Variants in SDHA observed in about 807,000 individuals in gnomAD.
The protein encoded by SDHA is succinate dehydrogenase complex flavoprotein subunit A, also known as succinate dehydrogenase [ubiquinone] flavoprotein subunit, mitochondrial.
SDHA carries 48 observed loss-of-function variants against 78.4 expected under a neutral mutation model. The ratio of observed to expected loss-of-function variants is 0.61; its 90% CI spans 0.49 to 0.78. SDHA has a LOEUF of 0.78. SDHA is among the 30% of genes least tolerant of loss of function. The pLI is 0.00. For synonymous variants in SDHA, 326 were observed against 353.9 expected (o/e 0.92, Z 0.88); for missense variants, 680 against 892.7 (o/e 0.76, Z 3.04).
intron 5 of SDHA, among the ~76,000 whole-genome samples, chr5:227,306 G>A (rs1229456438): frequency 4.6e-5 from 7 of 152,206 alleles, no homozygotes; most frequent in East Asian, 1.9e-4. Context: ...CACCGCACCC[G>A]GCCATGGATT....
At chr5:254,050 A>AT (rs1187511805) in intron 13 of SDHA, among the ~76,000 whole-genome samples, 14 of 147,142 alleles carry the variant, frequency 9.5e-5, no homozygotes, top group African/African-American at 3.1e-4. Flanking sequence ...CAAAAAAAAA[A>AT]TTTTTTTTTA....
intron 5 of SDHA, 86 bp downstream of exon 5, chr5:226,133 A>C: frequency 6.9e-7 from 1 of 1,444,728 alleles, no homozygotes; most frequent in Admixed American, 1.8e-5. Flanking sequence ...GTGCCCAGTG[A>C]GTCAGCCAGA....
downstream of SDHA, among the ~76,000 whole-genome samples, chr5:257,733 C>A (rs548342701): frequency 3.3e-5 from 4 of 121,846 alleles, no homozygotes; most frequent in Non-Finnish European, 4.8e-5. Context: ...GTGAGCTCCG[C>A]GCCCTGCCAG....
At chr5:222,016 AT>A (rs1346946301) in intron 1 of SDHA, among the ~76,000 whole-genome samples, 1 of 152,106 alleles carries the variant, frequency 6.6e-6, no homozygotes, top group Non-Finnish European at 1.5e-5. Flanking sequence ...TACTGGTGCT[AT>A]TACTATGTTA....
intron 13 of SDHA, among the ~76,000 whole-genome samples, chr5:253,403 G>A (rs541697460): frequency 1.1e-4 from 16 of 152,174 alleles, no homozygotes; most frequent in Middle Eastern, 3.4e-3. Context: ...ATATGAATCC[G>A]TGTTTGCCAG....
Position 256,765 on chromosome 5 carries a change from T to C in SDHA, c.*345T>C. 3.0e-6 allele frequency: 1 copy of C among 335,234 alleles called. No individual in the cohort carries two copies. The highest frequency in any genetic ancestry group is 5.5e-6 in the Non-Finnish European group (1 of 180,322). The allele number at this position is 335,234 out of a possible 1,614,324, so 20.8% of individuals were successfully genotyped here. On this transcript the variant is annotated 3_prime_UTR_variant, in exon 15 of 15. Coordinates refer to ENST00000264932, the MANE Select transcript of SDHA (RefSeq NM_004168.4). ...TTGTTGACCTAAAAATCAAATGTAA[T>C]CTTTGTATTGTGTTACATCAAAATC...
At chr5:228,820 T>C (rs984281300) in intron 6 of SDHA, among the ~76,000 whole-genome samples, 1 of 152,028 alleles carries the variant, frequency 6.6e-6, no homozygotes, top group African/African-American at 2.4e-5. Context: ...TCAGCAAAAC[T>C]ACAGGTTGGG....
At position 235,202 on chromosome 5, in the gene SDHA, C is replaced by T. The variant is rs1735691933; in HGVS notation, c.1123C>T (p.Gln375Ter). Residue 375 changes from glutamine (Q) to a stop codon, truncating the protein, a stop_gained, in exon 9 of 15, where the codon CAG becomes TAG. Coordinates refer to ENST00000264932, the MANE Select transcript of SDHA (RefSeq NM_004168.4). LOFTEE classifies it high-confidence loss of function. ...YLQLHHLPPEQLATRLPGISE... is the reference protein window; with the variant it reads ...YLQLHHLPPE Reference sequence around the variant, plus strand: ...GCAGCTGCACCACCTACCTCCAGAGCAGCTGGCCACGCGCCTGCCTGGCAT... The same window carrying T: ...GCAGCTGCACCACCTACCTCCAGAGTAGCTGGCCACGCGCCTGCCTGGCAT... 2 of 1,614,014 alleles carry T rather than the reference C, an allele frequency of 1.2e-6. No homozygotes were observed. Among genetic ancestry groups the T allele is most frequent in the Non-Finnish European group, 1.7e-6 (2 of 1,179,868 alleles).
downstream of SDHA, among the ~76,000 whole-genome samples, chr5:258,209 C>T (rs1486432045): frequency 2.4e-5 from 3 of 126,300 alleles, 1 homozygote; most frequent in Non-Finnish European, 4.7e-5. Context: ...CACCCCCTGC[C>T]AGAGCATTAC....
At chr5:236,730 C>T (rs529172752) in intron 10 of SDHA, 131 bp downstream of exon 10, 116 of 878,936 alleles carry the variant, frequency 1.3e-4, no homozygotes, top group East Asian at 5.0e-4. Flanking sequence ...CTCAACCTCC[C>T]GGGCTCAAGC....
intron 14 of SDHA, among the ~76,000 whole-genome samples, chr5:255,094 C>T (rs1737098238): frequency 6.8e-6 from 1 of 148,090 alleles, no homozygotes; most frequent in South Asian, 2.2e-4. Context: ...CCTTTTTCCA[C>T]ACACGGTGAG....
Position 228,443 on chromosome 5 carries a change from A to G in SDHA, c.770+110A>G, listed in dbSNP as rs1394443506. 6 of 1,187,904 alleles carry G rather than the reference A, an allele frequency of 5.1e-6. No homozygotes were observed. In the Admixed American group the frequency reaches 7.9e-5, roughly 16 times the overall value. 73.6% of individuals were successfully genotyped at this position (1,187,904 alleles called of 1,614,324 possible). On this transcript the variant is annotated intron_variant, in intron 6 of 14. Transcript: ENST00000264932. ...CATTGTAGAATAACGGTTTAGACAC[A>G]GGCCTTGATATAACCATGTGAGGGT...
At chr5:233,391 C>A in intron 7 of SDHA, 86 bp from the exon 8 acceptor site, 1 of 1,426,532 alleles carries the variant, frequency 7.0e-7, no homozygotes. Context: ...TTCCTCTTTC[C>A]CCCAAAAAAT....
downstream of SDHA, among the ~76,000 whole-genome samples, chr5:259,759 T>C (rs1375709841): frequency 7.8e-5 from 2 of 25,482 alleles, no homozygotes; most frequent in Non-Finnish European, 6.4e-5. Context: ...CCGCCTCCCG[T>C]CCGAGCATTA....
intron 6 of SDHA, among the ~76,000 whole-genome samples, chr5:228,879 AT>A (rs1735209721): frequency 6.6e-6 from 1 of 152,140 alleles, no homozygotes; most frequent in Non-Finnish European, 1.5e-5. Context: ...ACTATCTAAA[AT>A]AGCAAAAAAA....
chr5:259,351 T>C (rs1323476474), downstream of SDHA, among the ~76,000 whole-genome samples: 20 of 56,586 alleles, frequency 3.5e-4, 3 homozygotes, highest in African/African-American at 2.5e-3. Context: ...CGCCAGAGCA[T>C]TACCGTGTGA....
In SDHA at chr5:228,217, G is replaced by A. The variant is rs2126558332; in HGVS notation, c.654G>A (p.Glu218=). ...GATATGATACCAGCTATTTTGTGGA[G>A]TATTTTGCCTTGGATCTCCTGATGG... ...SLRYDTSYFV[E]YFALDLLMEN... is the part of the protein sequence containing the mutation. The change falls in exon 6 of 15, where the codon GAG becomes GAA. Residue 218 remains glutamate, a synonymous_variant. Transcript: ENST00000264932. 6.2e-7 allele frequency: 1 copy of A among 1,613,774 alleles called. No individual in the cohort carries two copies. The highest frequency in any genetic ancestry group is 1.1e-5 in the South Asian group (1 of 91,066).
intron 10 of SDHA, among the ~76,000 whole-genome samples, chr5:239,128 G>A (rs978700209): frequency 1.3e-5 from 2 of 151,124 alleles, no homozygotes; most frequent in Admixed American, 1.3e-4. Context: ...GTCCTGTGGA[G>A]AGGTGGTGGG....
At chr5:249,053 A>G in intron 11 of SDHA, 1 of 410,316 alleles carries the variant, frequency 2.4e-6, no homozygotes, top group South Asian at 1.8e-5. Context: ...GATATTGCAA[A>G]ATTGAAAGAA....
Sources: gnomAD v4.1 joint callset for allele counts (sites outside exome capture counted in the v4.1 genomes callset) on GRCh38, gnomAD v4.1.1 for gene constraint, MANE v1.5 for transcripts, NCBI Gene and HGNC (gene_info 2026-07-23, HGNC 2026-07-21) for gene names.